Variants in LRBA observed in about 807,000 individuals in gnomAD.
LRBA encodes lipopolysaccharide-responsive and beige-like anchor protein.
LRBA carries 176 observed loss-of-function variants against 330.0 expected under a neutral mutation model. The observed-to-expected ratio is 0.53, with a 90% CI of 0.47 to 0.60. The LOEUF is 0.60. Among genes scored for constraint, LRBA ranks in the 20% least tolerant of loss-of-function variants. LRBA has a pLI of 0.00. For missense variants in LRBA, 3,259 were observed against 3,444.8 expected, an observed-to-expected ratio of 0.95 and a Z score of 1.35; for synonymous variants, 1,230 against 1,193.0, an observed-to-expected ratio of 1.03 and a Z score of -0.64.
At chr4:150,621,549 C>T (rs974109188) in intron 37 of LRBA, among the ~76,000 whole-genome samples, 1 of 152,112 alleles carries the variant, frequency 6.6e-6, no homozygotes, top group Non-Finnish European at 1.5e-5. Flanking sequence ...CTCATATAAC[C>T]TACTTGGGTC....
At chr4:150,788,943 G>T (rs533260572) in intron 34 of LRBA, among the ~76,000 whole-genome samples, 1 of 151,094 alleles carries the variant, frequency 6.6e-6, no homozygotes. Flanking sequence ...ACATGGTGGC[G>T]TGTGCCTGTA....
chr4:150,685,828 G>A (rs1260003661), intron 36 of LRBA, among the ~76,000 whole-genome samples: 3 of 152,030 alleles, frequency 2.0e-5, no homozygotes, highest in Non-Finnish European at 4.4e-5. Context: ...AGTCTTGGGT[G>A]GGAATAAAGG....
At chr4:150,953,989 T>TGTACCC (rs1737196890) in intron 2 of LRBA, among the ~76,000 whole-genome samples, 2 of 137,886 alleles carry the variant, frequency 1.5e-5, no homozygotes, top group South Asian at 2.5e-4. Context: ...GTCTGGGAGG[T>TGTACCC]AAGGAGCGTC....
intron 44 of LRBA, among the ~76,000 whole-genome samples, chr4:150,466,793 C>G (rs562842418): frequency 2.0e-5 from 3 of 152,168 alleles, no homozygotes; most frequent in Non-Finnish European, 4.4e-5. Flanking sequence ...AAATACAATT[C>G]TGAATATAAA....
chr4:150,293,110 ATATAT>A (rs1728537556), intron 53 of LRBA, among the ~76,000 whole-genome samples: 1 of 152,174 alleles, frequency 6.6e-6, no homozygotes, highest in Non-Finnish European at 1.5e-5. Flanking sequence ...AAAAACAAAA[ATATAT>A]TATACAATAT....
At chr4:150,956,271 T>TA (rs1243296642) in intron 2 of LRBA, among the ~76,000 whole-genome samples, 3 of 148,340 alleles carry the variant, frequency 2.0e-5, no homozygotes, top group African/African-American at 5.3e-5. Context: ...ACAACTTAGA[T>TA]AAAAGGAGCA....
Position 150,591,944 on chromosome 4 carries a change from A to C in LRBA, c.6047-1085T>G, listed in dbSNP as rs1181684785. 2.0e-5 allele frequency among the ~76,000 whole-genome samples: 3 copies of C among 152,084 alleles called. No homozygotes were observed. The East Asian group carries it at 5.8e-4, about 29-fold the overall frequency. On this transcript the variant is annotated intron_variant, in intron 38 of 56. Coordinates refer to ENST00000651943, the MANE Select transcript of LRBA (RefSeq NM_001364905.1). ...AGCTTTCTCCTTACGACAAGCAGGA[A>C]GGCAGATGCTAACTTCTAAATTGTG... is the stretch of plus-strand genomic sequence containing the variant.
At chr4:150,339,844 C>CTT (rs33987955) in intron 48 of LRBA, among the ~76,000 whole-genome samples, 8,085 of 137,022 alleles carry the variant, frequency 0.059, 416 homozygotes, top group East Asian at 0.18. Flanking sequence ...GCTCCTTTTC[C>CTT]TTTTTTTTTT....
intron 53 of LRBA, among the ~76,000 whole-genome samples, chr4:150,295,725 A>C (rs1391501284): frequency 6.6e-6 from 1 of 152,236 alleles, no homozygotes; most frequent in African/African-American, 2.4e-5. Flanking sequence ...TTACATATGT[A>C]GCTTCGTGAT....
intron 44 of LRBA, among the ~76,000 whole-genome samples, chr4:150,456,425 G>A: frequency 6.6e-6 from 1 of 152,122 alleles, no homozygotes; most frequent in East Asian, 1.9e-4. Flanking sequence ...GATGATCAAT[G>A]ATGTTGAGTG....
Position 150,815,837 on chromosome 4 carries a change from T to C in LRBA, c.5305+1287A>G, listed in dbSNP as rs941212450. Among the ~76,000 whole-genome samples the C allele has an allele frequency of 5.3e-5, 8 of 151,976 alleles. No homozygotes were observed. In the East Asian group the frequency reaches 9.6e-4, roughly 18 times the overall value. ...TAGATAAGTCACTTGGTTGTAATTA[T>C]ACAGTACGTAAAGAATTGCATATAA... On this transcript the variant is annotated intron_variant, in intron 31 of 56. Coordinates refer to ENST00000651943, the MANE Select transcript of LRBA (RefSeq NM_001364905.1).
At chr4:150,957,900 G>A (rs747566403) in intron 2 of LRBA, among the ~76,000 whole-genome samples, 1 of 149,446 alleles carries the variant, frequency 6.7e-6, no homozygotes, top group African/African-American at 2.6e-5. Flanking sequence ...GATGCAAGAG[G>A]TGGGTTCCCA....
chr4:150,942,650 TATCAACAA>T (rs1253495140), intron 2 of LRBA, among the ~76,000 whole-genome samples: 5 of 152,302 alleles, frequency 3.3e-5, no homozygotes, highest in Admixed American at 3.3e-4. Flanking sequence ...TCAGCAATAT[TATCAACAA>T]ACTCACAATC....
At chr4:150,590,967 T>C in intron 38 of LRBA, 108 bp from the exon 39 acceptor site, 1 of 904,356 alleles carries the variant, frequency 1.1e-6, no homozygotes, top group African/African-American at 1.7e-5. Context: ...CAATCTTTTA[T>C]ACACAGTGTC....
Position 150,310,340 on chromosome 4 carries a change from C to A in LRBA, c.7738G>T (p.Asp2580Tyr). ...TGGGAATGCACTTGAATACTTTGGT[C>A]TAAAAGGTCAGTGATTTGCCTCCTG... Reference protein sequence around the residue: ...MHRRQITDLLDQSIQVHSQCF... With the variant: ...MHRRQITDLLYQSIQVHSQCF... The change falls in exon 52 of 57, where the codon GAC becomes TAC. Residue 2580 changes from aspartate (D) to tyrosine (Y), a missense_variant. By Grantham distance (160) the Asp-to-Tyr change is radical (BLOSUM62 -3). Transcript: ENST00000651943. 1 of 1,613,278 alleles carries A rather than the reference C, an allele frequency of 6.2e-7. No individual in the cohort carries two copies. The highest frequency in any genetic ancestry group is 8.5e-7 in the Non-Finnish European group (1 of 1,179,482).
chr4:150,454,825 C>T (rs1753839995), intron 44 of LRBA, among the ~76,000 whole-genome samples: 1 of 152,078 alleles, frequency 6.6e-6, no homozygotes. Context: ...CAAGTAATAA[C>T]ATGTGGTATT....
intron 22 of LRBA, among the ~76,000 whole-genome samples, 164 bp downstream of exon 22, chr4:150,867,507 C>T (rs897122619): frequency 2.0e-5 from 3 of 152,026 alleles, no homozygotes; most frequent in East Asian, 1.9e-4. Context: ...ATTACAAATG[C>T]TTTATTTCTA....
chr4:150,813,275 T>C (rs1332561002), intron 31 of LRBA, among the ~76,000 whole-genome samples: 1 of 152,054 alleles, frequency 6.6e-6, no homozygotes, highest in Non-Finnish European at 1.5e-5. Flanking sequence ...TTGATATATT[T>C]ACTAAAATCA....
At chr4:150,995,693 CA>C (rs1197282991) in intron 2 of LRBA, among the ~76,000 whole-genome samples, 1 of 152,128 alleles carries the variant, frequency 6.6e-6, no homozygotes, top group East Asian at 1.9e-4. Context: ...ACAAAAGGGC[CA>C]TGGCATCCAG....
Sources: allele counts gnomAD v4.1 joint callset (sites outside exome capture counted in the v4.1 genomes callset), GRCh38; gene constraint gnomAD v4.1.1; transcripts MANE v1.5; gene names NCBI Gene and HGNC (gene_info 2026-07-23, HGNC 2026-07-21).